The following JCHAIN variants were observed in gnomAD, a reference collection of about 807,000 sequenced individuals.
JCHAIN encodes immunoglobulin J chain.
Under a neutral mutation model 11.1 loss-of-function variants are expected in JCHAIN, and 5 were observed. The observed-to-expected ratio is 0.45, with a 90% CI of 0.24 to 0.95. JCHAIN has a LOEUF of 0.95. Among genes scored for constraint, JCHAIN ranks in the 40% least tolerant of loss-of-function variants. JCHAIN has a pLI of 0.21. For missense variants in JCHAIN, 165 were observed against 192.7 expected, an observed-to-expected ratio of 0.86 and a Z score of 0.85; for synonymous variants, 51 against 67.8, an observed-to-expected ratio of 0.75 and a Z score of 1.22.
chr4:70,663,186 T>C (rs1739093609), intron 1 of JCHAIN, among the ~76,000 whole-genome samples: 1 of 151,822 alleles, frequency 6.6e-6, no homozygotes, highest in South Asian at 2.1e-4. Flanking sequence ...GACAAAGAGG[T>C]CTGATAAGTT....
At chr4:70,665,414 C>T (rs1002689937) in intron 1 of JCHAIN, among the ~76,000 whole-genome samples, 3 of 152,048 alleles carry the variant, frequency 2.0e-5, no homozygotes, top group Non-Finnish European at 4.4e-5. Context: ...TAAGTGATAG[C>T]TGTTTTATAT....
chr4:70,660,594 G>A (rs1429666185), intron 2 of JCHAIN, among the ~76,000 whole-genome samples: 2 of 152,078 alleles, frequency 1.3e-5, no homozygotes, highest in Non-Finnish European at 2.9e-5. Context: ...ATGTTGGCCA[G>A]GCTCGTCTCA....
Position 70,656,131 on chromosome 4 carries a change from T to G in JCHAIN, c.*198A>C. 1 of 562,006 alleles carries G rather than the reference T, an allele frequency of 1.8e-6. No individual in the cohort carries two copies. 34.8% of individuals were successfully genotyped at this position (562,006 alleles called of 1,614,324 possible). Reference sequence around the variant, plus strand: ...TTTTGATACTTAGAGTATGAACATATAATTAAGAAGTGATTACCTAATAAA... The same window carrying G: ...TTTTGATACTTAGAGTATGAACATAGAATTAAGAAGTGATTACCTAATAAA... On this transcript the variant is annotated 3_prime_UTR_variant, in exon 4 of 4. Coordinates refer to ENST00000254801, the MANE Select transcript of JCHAIN (RefSeq NM_144646.4).
chr4:70,657,122 T>C, intron 3 of JCHAIN, 89 bp downstream of exon 3: 1 of 680,142 alleles, frequency 1.5e-6, no homozygotes, highest in Non-Finnish European at 2.6e-6. Context: ...TACTCCAACA[T>C]ATTTTTAAAA....
chr4:70,662,332 A>C, intron 1 of JCHAIN, 117 bp from the exon 2 acceptor site: 1 of 838,772 alleles, frequency 1.2e-6, no homozygotes, highest in East Asian at 2.7e-5. Flanking sequence ...GGTTTGTCTC[A>C]GCTTTCTCCA....
intron 2 of JCHAIN, among the ~76,000 whole-genome samples, chr4:70,661,802 T>C (rs1489147922): frequency 1.3e-5 from 2 of 151,988 alleles, no homozygotes; most frequent in Non-Finnish European, 2.9e-5. Context: ...CAAAAATAAA[T>C]GAATAGAAAT....
chr4:70,657,151 T>G (rs1738965041), intron 3 of JCHAIN, 60 bp downstream of exon 3: 7 of 876,638 alleles, frequency 8.0e-6, no homozygotes. Flanking sequence ...ACTAACAAGG[T>G]TAAAATTAAA....
intron 3 of JCHAIN, among the ~76,000 whole-genome samples, 153 bp downstream of exon 3, chr4:70,657,058 A>C (rs1345757433): frequency 2.0e-5 from 3 of 152,226 alleles, no homozygotes; most frequent in African/African-American, 7.2e-5. Context: ...ATACCTAATA[A>C]TTAACATAGG....
chr4:70,659,548 T>TAA (rs1739015020), intron 2 of JCHAIN, among the ~76,000 whole-genome samples: 1 of 6,740 alleles, frequency 1.5e-4, no homozygotes, highest in East Asian at 0.014. Flanking sequence ...AGACTCTGTC[T>TAA]CAAAAAAAAA....
intron 2 of JCHAIN, among the ~76,000 whole-genome samples, chr4:70,660,726 G>T (rs1739038817): frequency 1.3e-5 from 2 of 152,098 alleles, no homozygotes; most frequent in African/African-American, 4.8e-5. Flanking sequence ...AAGAAAAGTG[G>T]CAATGGATGA....
chr4:70,657,367 C>T, intron 2 of JCHAIN, 76 bp from the exon 3 acceptor site: 1 of 852,012 alleles, frequency 1.2e-6, no homozygotes, highest in South Asian at 1.4e-5. Context: ...AGTATACGGC[C>T]ACTATTTCAT....
At chr4:70,661,239 A>G (rs189456323) in intron 2 of JCHAIN, among the ~76,000 whole-genome samples, 16 of 152,350 alleles carry the variant, frequency 1.1e-4, no homozygotes, top group African/African-American at 3.8e-4. Flanking sequence ...CTCAAATAGT[A>G]TTAGCATTCT....
In JCHAIN at chr4:70,661,156, G is replaced by A. The variant is rs532610145; in HGVS notation, c.188+936C>T. Among the ~76,000 whole-genome samples, 155 of 152,258 alleles carry A rather than the reference G, an allele frequency of 1.0e-3. 1 individual carries two copies. Among genetic ancestry groups the A allele is most frequent in the African/African-American group, 3.6e-3 (149 of 41,548 alleles). On this transcript the variant is annotated intron_variant, in intron 2 of 3. Transcript: ENST00000254801. ...CTCTTTCTATAGGAGATTTGATTGGGGAAAAACTATTAAGGTAGGAGTGGT... is the reference window on the plus strand; with the variant it reads ...CTCTTTCTATAGGAGATTTGATTGGAGAAAAACTATTAAGGTAGGAGTGGT...
chr4:70,661,616 C>A (rs1323097656), intron 2 of JCHAIN, among the ~76,000 whole-genome samples: 1 of 152,006 alleles, frequency 6.6e-6, no homozygotes, highest in Admixed American at 6.6e-5. Flanking sequence ...ATAGTGAGAC[C>A]CTGTCTCTAA....
chr4:70,664,924 G>A (rs1358458811), intron 1 of JCHAIN, among the ~76,000 whole-genome samples: 1 of 152,126 alleles, frequency 6.6e-6, no homozygotes, highest in Non-Finnish European at 1.5e-5. Flanking sequence ...TGTCAGAAAA[G>A]TTACAAATAC....
At chr4:70,662,372 A>T (rs1174898248) in intron 1 of JCHAIN, 157 bp from the exon 2 acceptor site, 2 of 641,688 alleles carry the variant, frequency 3.1e-6, no homozygotes, top group Admixed American at 6.3e-5. Flanking sequence ...CTTACATCAC[A>T]GTAAAGGAAA....
At chr4:70,656,837 C>G (rs1362556830) in intron 3 of JCHAIN, among the ~76,000 whole-genome samples, 1 of 152,076 alleles carries the variant, frequency 6.6e-6, no homozygotes, top group East Asian at 1.9e-4. Context: ...TCTGTCTAAA[C>G]AAGTTATTTA....
At position 70,656,082 on chromosome 4, in the gene JCHAIN, C is replaced by A; in HGVS notation, c.*247G>T. On this transcript the variant is annotated 3_prime_UTR_variant, in exon 4 of 4. Coordinates refer to ENST00000254801, the MANE Select transcript of JCHAIN (RefSeq NM_144646.4). ...TATTCCTAAGAGAGCATACCTCTTTCAGGTGAGCATGATAATTGGAAGATT... is the reference window on the plus strand; with the variant it reads ...TATTCCTAAGAGAGCATACCTCTTTAAGGTGAGCATGATAATTGGAAGATT... 2.3e-6 allele frequency: 1 copy of A among 438,934 alleles called. No individual in the cohort carries two copies. The highest frequency in any genetic ancestry group is 4.1e-6 in the Non-Finnish European group (1 of 246,688). The allele number at this position is 438,934 out of a possible 1,614,324, so 27.2% of individuals were successfully genotyped here.
chr4:70,658,935 A>G (rs1429684978), intron 2 of JCHAIN, among the ~76,000 whole-genome samples: 1 of 152,212 alleles, frequency 6.6e-6, no homozygotes, highest in Non-Finnish European at 1.5e-5. Flanking sequence ...AATGGACTAT[A>G]TTTTAAATAA....
Sources: allele counts gnomAD v4.1 joint callset (sites outside exome capture counted in the v4.1 genomes callset), GRCh38; gene constraint gnomAD v4.1.1; transcripts MANE v1.5; gene names NCBI Gene and HGNC (gene_info 2026-07-23, HGNC 2026-07-21).